The following COL26A1 variants were observed in gnomAD, a reference collection of about 807,000 sequenced individuals.
COL26A1 encodes collagen type XXVI alpha 1 chain.
In COL26A1, 41 loss-of-function variants were observed where a neutral mutation model predicts 59.3. The ratio of observed to expected loss-of-function variants is 0.69; its 90% CI spans 0.54 to 0.90. The LOEUF is 0.90. Among genes scored for constraint, COL26A1 ranks in the 40% least tolerant of loss-of-function variants. The pLI, the probability that COL26A1 is intolerant of heterozygous loss-of-function variation, is 0.00. For missense variants in COL26A1, 612 were observed against 602.3 expected, an observed-to-expected ratio of 1.02 and a Z score of -0.17; for synonymous variants, 266 against 256.0, an observed-to-expected ratio of 1.04 and a Z score of -0.37.
chr7:101,513,094 C>T (rs1396650513), intron 3 of COL26A1, among the ~76,000 whole-genome samples: 2 of 152,018 alleles, frequency 1.3e-5, no homozygotes, highest in African/African-American at 4.8e-5. Context: ...GCAACCTCCG[C>T]CTCCTGGGTT....
chr7:101,555,444 G>A (rs574251762), intron 11 of COL26A1, among the ~76,000 whole-genome samples: 1 of 152,178 alleles, frequency 6.6e-6, no homozygotes, highest in Non-Finnish European at 1.5e-5. Flanking sequence ...CAGGACATGT[G>A]GGGGAAGCTG....
At chr7:101,443,655 A>G (rs1466283839) in intron 2 of COL26A1, among the ~76,000 whole-genome samples, 1 of 152,188 alleles carries the variant, frequency 6.6e-6, no homozygotes. Context: ...ATAAAAGCTG[A>G]ATGTGTCTCC....
At chr7:101,376,409 C>T (rs1167963858) in intron 1 of COL26A1, among the ~76,000 whole-genome samples, 1 of 152,154 alleles carries the variant, frequency 6.6e-6, no homozygotes, top group African/African-American at 2.4e-5. Context: ...GTCTTTCAGA[C>T]TGCACACCCT....
At chr7:101,414,432 T>TTG (rs34282686) in intron 1 of COL26A1, among the ~76,000 whole-genome samples, 2,365 of 146,198 alleles carry the variant, frequency 0.016, 24 homozygotes, top group South Asian at 0.024. Context: ...CACTCTGTGT[T>TTG]TGTGTGTGTG....
chr7:101,482,604 G>T (rs1794180802), intron 3 of COL26A1, among the ~76,000 whole-genome samples: 1 of 152,166 alleles, frequency 6.6e-6, no homozygotes, highest in Non-Finnish European at 1.5e-5. Flanking sequence ...GTTTTAGCAG[G>T]TTAGCCCAGC....
At chr7:101,473,982 AG>A (rs1458643004) in intron 3 of COL26A1, among the ~76,000 whole-genome samples, 3 of 152,228 alleles carry the variant, frequency 2.0e-5, no homozygotes, top group African/African-American at 7.2e-5. Flanking sequence ...AGTGTTGGAA[AG>A]TAGAGAGGCT....
At chr7:101,451,817 A>G (rs551097198) in intron 3 of COL26A1, among the ~76,000 whole-genome samples, 6 of 150,526 alleles carry the variant, frequency 4.0e-5, no homozygotes, top group Non-Finnish European at 8.8e-5. Flanking sequence ...CGATTGTCCC[A>G]CCTCAGCCTT....
rs769498284 is a variant in COL26A1, at chr7:101,539,294, ATGTG to A, written c.448-576_448-573del. 5.8e-3 allele frequency among the ~76,000 whole-genome samples: 783 copies of A among 135,848 alleles called. 4 individuals carry two copies. The highest frequency in any genetic ancestry group is 0.015 in the African/African-American group (571 of 38,056). The allele number at this position is 135,848 out of a possible 152,430, so 89.1% of individuals were successfully genotyped here. On this transcript the variant is annotated intron_variant, in intron 4 of 12. Coordinates refer to ENST00000313669, the MANE Select transcript of COL26A1 (RefSeq NM_001278563.3). ...CTTTTCTGTCTGTGTGTGTGTGTGTATGTGTGTGTGTGTGTGTGTGTGTGTGCGT... is the reference window on the plus strand; with the variant it reads ...CTTTTCTGTCTGTGTGTGTGTGTGTATGTGTGTGTGTGTGTGTGTGTGCGT...
rs1013007937 is a variant in COL26A1 at position 101,534,308 on chromosome 7, C to T, written c.447+1165C>T. Among the ~76,000 whole-genome samples, 14 of 143,844 alleles carry T rather than the reference C, an allele frequency of 9.7e-5. No individual in the cohort carries two copies. In the East Asian group the frequency reaches 1.4e-3, roughly 14 times the overall value. The allele number at this position is 143,844 out of a possible 152,430, so 94.4% of individuals were successfully genotyped here. A position where few individuals can be genotyped will look rare whatever the true frequency, so the allele number is the denominator to read the frequency against. On this transcript the variant is annotated intron_variant, in intron 4 of 12. Transcript: ENST00000313669. ...GGCAGGGAGGACCAGGGACCTGAGA[C>T]GGTGGGGCTGGAGCCCCAGGCAGCA...
chr7:101,479,111 A>C (rs1192582039), intron 3 of COL26A1, among the ~76,000 whole-genome samples: 1 of 152,248 alleles, frequency 6.6e-6, no homozygotes. Context: ...TTGCCCAGAC[A>C]GAAAATACTT....
At position 101,545,349 on chromosome 7, in the gene COL26A1, C is replaced by A. The variant is rs554089272; in HGVS notation, c.715C>A (p.Pro239Thr). 2 of 1,568,138 alleles carry A rather than the reference C, an allele frequency of 1.3e-6. No individual in the cohort carries two copies. Among genetic ancestry groups the A allele is most frequent in the South Asian group, 2.3e-5 (2 of 85,830 alleles). ...TTTCCTCATTGCAGGGCTCCTGGGG[C>A]CTCCAGGGCCCCGTGGGCTTCCTGG... ...GPAGPPGLLG[P>T]PGPRGLPGEM... Residue 239 changes from proline to threonine, a missense_variant, in exon 7 of 13, where the codon CCT becomes ACT. Pro to Thr is a conservative substitution (Grantham distance 38, BLOSUM62 -1). Coordinates refer to ENST00000313669, the MANE Select transcript of COL26A1 (RefSeq NM_001278563.3).
rs60032151 is a variant in COL26A1, at chr7:101,506,279, A to C, written c.386-26803A>C. Among the ~76,000 whole-genome samples, 14 of 152,358 alleles carry C rather than the reference A, an allele frequency of 9.2e-5. No homozygotes were observed. In the East Asian group the frequency reaches 2.7e-3, roughly 29 times the overall value. On this transcript the variant is annotated intron_variant, in intron 3 of 12. Transcript: ENST00000313669. Reference sequence around the variant, plus strand: ...ACTGTCACTGGCATATTGCAAGCACATGTTTTCTGCACACAGAGCTGCTCA... The same window carrying C: ...ACTGTCACTGGCATATTGCAAGCACCTGTTTTCTGCACACAGAGCTGCTCA...
At chr7:101,470,352 C>A (rs778578424) in intron 3 of COL26A1, among the ~76,000 whole-genome samples, 5 of 151,936 alleles carry the variant, frequency 3.3e-5, no homozygotes, top group Non-Finnish European at 7.4e-5. Context: ...CCTCGGCCTC[C>A]CAAAGTGCTG....
At chr7:101,413,074 C>T (rs922632442) in intron 1 of COL26A1, among the ~76,000 whole-genome samples, 3 of 152,134 alleles carry the variant, frequency 2.0e-5, no homozygotes, top group East Asian at 1.9e-4. Context: ...CTCTATTAAC[C>T]GCCAATTAAG....
intron 3 of COL26A1, among the ~76,000 whole-genome samples, chr7:101,515,792 T>C (rs1795016476): frequency 1.3e-5 from 2 of 152,044 alleles, no homozygotes; most frequent in Admixed American, 1.3e-4. Context: ...TTTTGCTAGG[T>C]TGCCCAGGCT....
chr7:101,524,194 C>A (rs1795193745), intron 3 of COL26A1, among the ~76,000 whole-genome samples: 2 of 151,778 alleles, frequency 1.3e-5, no homozygotes, highest in Admixed American at 1.3e-4. Flanking sequence ...TTGCTTGAAC[C>A]CAGGAGGCAG....
chr7:101,543,672 G>C (rs560124410), intron 5 of COL26A1, among the ~76,000 whole-genome samples: 1 of 152,340 alleles, frequency 6.6e-6, no homozygotes, highest in African/African-American at 2.4e-5. Context: ...GGGTGTGAGA[G>C]AGGGACCTGG....
intron 2 of COL26A1, among the ~76,000 whole-genome samples, chr7:101,430,983 A>G (rs1792765638): frequency 6.6e-6 from 1 of 151,060 alleles, no homozygotes; most frequent in Non-Finnish European, 1.5e-5. Flanking sequence ...TTTATTTTTA[A>G]TAGAGATGGG....
At chr7:101,427,833 C>G (rs1792683822) in intron 2 of COL26A1, among the ~76,000 whole-genome samples, 1 of 151,962 alleles carries the variant, frequency 6.6e-6, no homozygotes, top group Admixed American at 6.6e-5. Flanking sequence ...TGTAGGGGAC[C>G]CAATTCTGGT....
Sources: allele counts gnomAD v4.1 joint callset (sites outside exome capture counted in the v4.1 genomes callset), GRCh38; gene constraint gnomAD v4.1.1; transcripts MANE v1.5; gene names NCBI Gene and HGNC (gene_info 2026-07-23, HGNC 2026-07-21).